The following TMEM68 variants were observed in gnomAD, a reference collection of about 807,000 sequenced individuals.
The protein encoded by TMEM68 is transmembrane protein 68.
A neutral mutation model predicts 36.9 loss-of-function variants in TMEM68; 25 were observed. The observed-to-expected ratio is 0.68, with a 90% CI of 0.49 to 0.95. TMEM68 has a LOEUF of 0.95. Among genes scored for constraint, TMEM68 ranks in the 40% least tolerant of loss-of-function variants. TMEM68 has a pLI of 0.00. For synonymous variants in TMEM68, 131 were observed against 124.4 expected (o/e 1.05, Z -0.35); for missense variants, 333 against 392.0 (o/e 0.85, Z 1.27).
intron 4 of TMEM68, among the ~76,000 whole-genome samples, chr8:55,754,490 C>CACAT (rs1179558040): frequency 1.7e-5 from 2 of 116,024 alleles, no homozygotes; most frequent in Non-Finnish European, 3.6e-5. Flanking sequence ...CACACACACA[C>CACAT]ACATACATAC....
At chr8:55,748,872 T>G (rs1411812814) in intron 5 of TMEM68, among the ~76,000 whole-genome samples, 1 of 152,228 alleles carries the variant, frequency 6.6e-6, no homozygotes, top group Non-Finnish European at 1.5e-5. Context: ...ATGACAGGCA[T>G]GAACCCACAT....
intron 1 of TMEM68, among the ~76,000 whole-genome samples, chr8:55,767,585 G>C (rs1227535517): frequency 6.6e-6 from 1 of 152,102 alleles, no homozygotes; most frequent in Admixed American, 6.6e-5. Flanking sequence ...GTAGCATATA[G>C]ACAATATTTA....
At chr8:55,750,551 T>TTTTTTTTC (rs1214140707) in intron 5 of TMEM68, among the ~76,000 whole-genome samples, 1 of 150,934 alleles carries the variant, frequency 6.6e-6, no homozygotes, top group African/African-American at 2.4e-5. Flanking sequence ...CTTTTTTTTT[T>TTTTTTTTC]TTTTTTCTGA....
chr8:55,770,585 G>A (rs748152705), intron 1 of TMEM68, among the ~76,000 whole-genome samples: 87 of 152,082 alleles, frequency 5.7e-4, no homozygotes, highest in Non-Finnish European at 1.1e-3. Context: ...AAGGCAGGAG[G>A]ACTGCTTGAG....
chr8:55,757,561 G>A (rs1380656976), intron 3 of TMEM68, among the ~76,000 whole-genome samples: 3 of 152,086 alleles, frequency 2.0e-5, no homozygotes, highest in Non-Finnish European at 4.4e-5. Context: ...AAGAAAACCT[G>A]TCAGGCGCTG....
intron 5 of TMEM68, chr8:55,745,629 T>C (rs1338443188): frequency 6.6e-6 from 1 of 152,194 alleles, no homozygotes; most frequent in African/African-American, 2.4e-5. Flanking sequence ...GTAAACTGAA[T>C]TGTCTTTAGT....
intron 1 of TMEM68, among the ~76,000 whole-genome samples, chr8:55,765,574 A>T (rs918855395): frequency 6.6e-6 from 1 of 152,240 alleles, no homozygotes; most frequent in Non-Finnish European, 1.5e-5. Flanking sequence ...TATCATTCAT[A>T]GAATCACAGC....
At chr8:55,771,829 G>A (rs1811180892) in intron 1 of TMEM68, among the ~76,000 whole-genome samples, 1 of 152,078 alleles carries the variant, frequency 6.6e-6, no homozygotes, top group African/African-American at 2.4e-5. Context: ...TACTGAATAG[G>A]ACTTCTACTT....
chr8:55,763,082 GT>G, intron 2 of TMEM68, 54 bp from the exon 3 acceptor site: 1 of 1,074,622 alleles, frequency 9.3e-7, no homozygotes, highest in Non-Finnish European at 1.3e-6. Flanking sequence ...AAAGTTAAAT[GT>G]TTTACTCTAC....
chr8:55,772,125 T>C (rs1811192927), intron 1 of TMEM68, among the ~76,000 whole-genome samples: 1 of 152,144 alleles, frequency 6.6e-6, no homozygotes, highest in African/African-American at 2.4e-5. Flanking sequence ...CTTACCTTCT[T>C]GAACCAACAA....
intron 6 of TMEM68, 108 bp from the exon 7 acceptor site, chr8:55,743,728 TC>T: frequency 9.9e-7 from 1 of 1,011,782 alleles, no homozygotes; most frequent in Non-Finnish European, 1.4e-6. Context: ...GCAAAAAGTA[TC>T]ACTTCTTGGC....
chr8:55,773,316 C>T lies in TMEM68; in HGVS notation c.-162G>A. On this transcript the variant is annotated 5_prime_UTR_variant, in exon 1 of 8. Transcript: ENST00000434581. ...TTCGGGGGATCAGTGGCCAAGGGGG[C>T]GGACAGATTTGCACGGCGGATTCCT... The T allele has an allele frequency of 7.6e-6, 2 of 262,594 alleles. No individual in the cohort carries two copies. The highest frequency in any genetic ancestry group is 7.3e-6 in the Non-Finnish European group (1 of 137,186). 16.3% of individuals were successfully genotyped at this position (262,594 alleles called of 1,614,324 possible).
chr8:55,762,145 T>C (rs902307408), intron 3 of TMEM68: 2 of 152,888 alleles, frequency 1.3e-5, no homozygotes, highest in African/African-American at 2.4e-5. Context: ...TCTATTGCTA[T>C]CTTATTTATT....
chr8:55,748,450 CT>C (rs1810343285), intron 5 of TMEM68, among the ~76,000 whole-genome samples: 1 of 150,494 alleles, frequency 6.6e-6, no homozygotes, highest in African/African-American at 2.5e-5. Flanking sequence ...TTCATGCATA[CT>C]TTGTACATGA....
At chr8:55,742,782 AAG>A (rs1253738992) in intron 7 of TMEM68, among the ~76,000 whole-genome samples, 1 of 152,030 alleles carries the variant, frequency 6.6e-6, no homozygotes, top group East Asian at 1.9e-4. Flanking sequence ...AAAAGAAAAA[AAG>A]GAGAACATGA....
At chr8:55,740,587 C>T (rs1372881010) in intron 7 of TMEM68, among the ~76,000 whole-genome samples, 3 of 152,102 alleles carry the variant, frequency 2.0e-5, no homozygotes, top group Non-Finnish European at 4.4e-5. Flanking sequence ...CAGCATTAAG[C>T]ACAGCAACAC....
intron 3 of TMEM68, among the ~76,000 whole-genome samples, chr8:55,757,291 T>C (rs1810635958): frequency 6.6e-6 from 1 of 151,850 alleles, no homozygotes; most frequent in Non-Finnish European, 1.5e-5. Context: ...AGACAAAAAC[T>C]GAGAATGGGA....
Position 55,739,927 on chromosome 8 carries a change from C to T in TMEM68, c.*205G>A. On this transcript the variant is annotated 3_prime_UTR_variant, in exon 8 of 8. Coordinates refer to ENST00000434581, the MANE Select transcript of TMEM68 (RefSeq NM_001286657.2). ...AAATAAGACATCTTTTTCTGAATTA[C>T]TAGGTGTGTAATTTGTTAGTATTTG... is the stretch of plus-strand genomic sequence containing the variant. 2.1e-6 allele frequency: 1 copy of T among 485,490 alleles called. No homozygotes were observed. Among genetic ancestry groups the T allele is most frequent in the Non-Finnish European group, 3.6e-6 (1 of 278,014 alleles). 30.1% of individuals were successfully genotyped at this position (485,490 alleles called of 1,614,324 possible).
intron 1 of TMEM68, among the ~76,000 whole-genome samples, chr8:55,769,319 T>C (rs1239461252): frequency 2.6e-4 from 1 of 3,842 alleles, no homozygotes; most frequent in Admixed American, 3.8e-3. Flanking sequence ...GAGAATCCCA[T>C]CTCAAAAAAA....
Sources: gnomAD v4.1 joint callset for allele counts (sites outside exome capture counted in the v4.1 genomes callset) on GRCh38, gnomAD v4.1.1 for gene constraint, MANE v1.5 for transcripts, NCBI Gene and HGNC (gene_info 2026-07-23, HGNC 2026-07-21) for gene names.